The following ZNF536 variants were observed in gnomAD, a reference collection of about 807,000 sequenced individuals.
ZNF536 encodes the protein zinc finger protein 536.
Under a neutral mutation model 84.5 loss-of-function variants are expected in ZNF536, and 13 were observed. The ratio of observed to expected loss-of-function variants is 0.15; its 90% confidence interval spans 0.10 to 0.24. The LOEUF (loss-of-function observed/expected upper bound fraction) is 0.24, where lower values mean the gene tolerates loss of function less well. ZNF536 is among the 10% of genes least tolerant of loss of function. The pLI is 1.00. For synonymous variants in ZNF536, 811 were observed against 742.5 expected, an observed-to-expected ratio of 1.09 and a Z score of -1.50; for missense variants, 1,536 against 1,747.5, an observed-to-expected ratio of 0.88 and a Z score of 2.16.
At chr19:30,295,336 G>A (rs1311377643) in intron 2 of ZNF536, among the ~76,000 whole-genome samples, 1 of 152,098 alleles carries the variant, frequency 6.6e-6, no homozygotes, top group Non-Finnish European at 1.5e-5. Context: ...GATTGGAGGC[G>A]GGGGTGGGGA....
At chr19:30,238,831 A>AT (rs1252492880) in intron 1 of ZNF536, among the ~76,000 whole-genome samples, 24 of 138,932 alleles carry the variant, frequency 1.7e-4, no homozygotes, top group South Asian at 4.5e-4. Context: ...ATTAAAAAAA[A>AT]AATATATATA....
At chr19:30,395,555 G>T (rs2049780518) in intron 1 of ZNF536, among the ~76,000 whole-genome samples, 1 of 152,166 alleles carries the variant, frequency 6.6e-6, no homozygotes, top group African/African-American at 2.4e-5. Flanking sequence ...TTCTGGGGAG[G>T]TTCCATATGT....
chr19:30,427,151 C>T (rs1335751422), intron 1 of ZNF536, among the ~76,000 whole-genome samples: 1 of 152,228 alleles, frequency 6.6e-6, no homozygotes, highest in Non-Finnish European at 1.5e-5. Context: ...AAAATGGGCA[C>T]ATCAGACCAA....
chr19:30,625,266 A>G (rs528617257), intron 1 of ZNF536, among the ~76,000 whole-genome samples: 1 of 152,170 alleles, frequency 6.6e-6, no homozygotes, highest in South Asian at 2.1e-4. Context: ...CCCCCCAATC[A>G]GGGAGTCATG....
chr19:30,370,228 T>A (rs1294781344), upstream of ZNF536, among the ~76,000 whole-genome samples: 1 of 152,212 alleles, frequency 6.6e-6, no homozygotes, highest in Non-Finnish European at 1.5e-5. Context: ...AGCGTGGCTT[T>A]GATTAGTGGA....
chr19:30,647,025 G>A (rs1001062572), intron 1 of ZNF536, among the ~76,000 whole-genome samples: 4 of 151,988 alleles, frequency 2.6e-5, no homozygotes, highest in Non-Finnish European at 5.9e-5. Flanking sequence ...ACTCCCCACC[G>A]CTGGAGATTA....
chr19:30,677,838 T>G (rs1328720122), intron 1 of ZNF536, among the ~76,000 whole-genome samples: 2 of 152,056 alleles, frequency 1.3e-5, no homozygotes, highest in African/African-American at 2.4e-5. Flanking sequence ...TGGGGGGACT[T>G]GGTGATCCCT....
intron 1 of ZNF536, among the ~76,000 whole-genome samples, chr19:30,278,242 T>C (rs1339266907): frequency 6.6e-6 from 1 of 152,102 alleles, no homozygotes; most frequent in Non-Finnish European, 1.5e-5. Flanking sequence ...CAAGAGCCTT[T>C]ATCATAGCTT....
intron 2 of ZNF536, among the ~76,000 whole-genome samples, chr19:30,345,006 T>TCAACAA (rs1352815386): frequency 2.0e-5 from 3 of 152,238 alleles, no homozygotes; most frequent in Non-Finnish European, 4.4e-5. Flanking sequence ...TAATATAGCA[T>TCAACAA]CAACAACAGC....
intron 1 of ZNF536, among the ~76,000 whole-genome samples, chr19:30,702,801 G>C (rs529980935): frequency 6.6e-6 from 1 of 152,252 alleles, no homozygotes; most frequent in East Asian, 1.9e-4. Context: ...TCATTCATCT[G>C]TTCCTTTGCT....
intron 2 of ZNF536, among the ~76,000 whole-genome samples, chr19:30,321,367 G>A (rs965277788): frequency 7.9e-5 from 12 of 152,120 alleles, no homozygotes; most frequent in African/African-American, 2.7e-4. Context: ...GACCAGCCTG[G>A]CCATCACGTT....
intron 1 of ZNF536, among the ~76,000 whole-genome samples, chr19:30,697,658 C>A (rs546149251): frequency 6.6e-6 from 1 of 152,166 alleles, no homozygotes; most frequent in Admixed American, 6.5e-5. Flanking sequence ...TACGTTAGAG[C>A]CTTGGTGTCT....
intron 2 of ZNF536, among the ~76,000 whole-genome samples, chr19:30,534,253 G>A (rs763676425): frequency 3.9e-5 from 6 of 152,176 alleles, no homozygotes; most frequent in Non-Finnish European, 8.8e-5. Context: ...GCTAATTGTG[G>A]AATCACATTT....
chr19:30,324,239 C>CCCAT lies in ZNF536; in HGVS notation c.-119-28118_-119-28115dup, dbSNP rs1329839525. Among the ~76,000 whole-genome samples the CCCAT allele has an allele frequency of 2.6e-5, 4 of 152,160 alleles. No individual in the cohort carries two copies. The Middle Eastern group carries it at 0.014, about 521-fold the overall frequency. On this transcript the variant is annotated intron_variant, in intron 2 of 5. Transcript: ENST00000585628. Reference sequence around the variant, plus strand: ...CATCATCTGTCTAGCCATCCATCCACCCATCCATCCATCCCATCCATCATC... The same window carrying CCCAT: ...CATCATCTGTCTAGCCATCCATCCACCCATCCATCCATCCATCCCATCCATCATC...
chr19:30,241,193 T>C (rs1308700275), intron 1 of ZNF536, among the ~76,000 whole-genome samples: 4 of 151,992 alleles, frequency 2.6e-5, no homozygotes, highest in African/African-American at 7.3e-5. Context: ...TGGTGCATGC[T>C]TGTAGTCCAA....
intron 1 of ZNF536, among the ~76,000 whole-genome samples, chr19:30,427,689 C>T (rs935255659): frequency 6.6e-6 from 1 of 152,110 alleles, no homozygotes; most frequent in Non-Finnish European, 1.5e-5. Context: ...CTCAGGCATA[C>T]TAGCTTTCCA....
chr19:30,686,353 A>C (rs757680189), intron 1 of ZNF536, among the ~76,000 whole-genome samples: 7 of 151,996 alleles, frequency 4.6e-5, no homozygotes, highest in Non-Finnish European at 8.8e-5. Context: ...TGACTCCCTT[A>C]GAAGAGTTAG....
intron 1 of ZNF536, among the ~76,000 whole-genome samples, chr19:30,691,967 T>G (rs1306054409): frequency 2.6e-5 from 4 of 152,104 alleles, no homozygotes; most frequent in Admixed American, 1.3e-4. Flanking sequence ...GGCCTCCACC[T>G]CCCCTCCAGA....
At chr19:30,343,751 C>T (rs931795446) in intron 2 of ZNF536, among the ~76,000 whole-genome samples, 7 of 152,060 alleles carry the variant, frequency 4.6e-5, no homozygotes, top group African/African-American at 9.7e-5. Flanking sequence ...CCTTTCGATG[C>T]GAAACACTAG....
Sources: gnomAD v4.1 joint callset for allele counts (sites outside exome capture counted in the v4.1 genomes callset) on GRCh38, gnomAD v4.1.1 for gene constraint, MANE v1.5 for transcripts, NCBI Gene and HGNC (gene_info 2026-07-23, HGNC 2026-07-21) for gene names.